NREP: variants seen among roughly 807,000 people sequenced by gnomAD.
The protein encoded by NREP is neuronal regeneration related protein.
A neutral mutation model predicts 8.6 loss-of-function variants in NREP; 5 were observed. The ratio of observed to expected loss-of-function variants is 0.58; its 90% CI spans 0.30 to 1.22. NREP has a LOEUF of 1.22. Among genes scored for constraint, NREP ranks in the 50% most tolerant of loss-of-function variants. NREP has a pLI of 0.07. For synonymous variants in NREP, 27 were observed against 28.0 expected (o/e 0.96, Z 0.11); for missense variants, 86 against 82.5 (o/e 1.04, Z -0.17).
chr5:111,939,495 A>G (rs1028606209), intron 2 of NREP, among the ~76,000 whole-genome samples: 2 of 151,972 alleles, frequency 1.3e-5, no homozygotes, highest in Admixed American at 1.3e-4. Flanking sequence ...ACTTAAATTT[A>G]TTTGTAACCC....
At chr5:111,817,629 C>T (rs1752413579) in intron 2 of NREP, among the ~76,000 whole-genome samples, 1 of 151,786 alleles carries the variant, frequency 6.6e-6, no homozygotes, top group African/African-American at 2.4e-5. Context: ...CATGGTGAAA[C>T]CTCGTCTCTA....
chr5:111,902,355 A>T (rs1340572523), intron 2 of NREP, among the ~76,000 whole-genome samples: 1 of 152,164 alleles, frequency 6.6e-6, no homozygotes, highest in Non-Finnish European at 1.5e-5. Flanking sequence ...TCCACTCAAC[A>T]TGTGCTGTAA....
intron 2 of NREP, among the ~76,000 whole-genome samples, chr5:111,958,277 C>T (rs1756380595): frequency 6.6e-6 from 1 of 151,524 alleles, no homozygotes; most frequent in Admixed American, 6.6e-5. Flanking sequence ...TTCTAATTTA[C>T]ATAAATAAAG....
intron 2 of NREP, among the ~76,000 whole-genome samples, chr5:111,954,114 A>G (rs894030975): frequency 3.3e-5 from 5 of 152,164 alleles, no homozygotes; most frequent in African/African-American, 1.2e-4. Flanking sequence ...TGATCTATCT[A>G]TATCTATATC....
intron 2 of NREP, among the ~76,000 whole-genome samples, chr5:111,941,472 T>G (rs1463746309): frequency 1.3e-5 from 2 of 152,080 alleles, no homozygotes; most frequent in African/African-American, 2.4e-5. Flanking sequence ...CTCCACATCT[T>G]CACATGGTCT....
upstream of NREP, chr5:111,758,262 G>C (rs901134274): frequency 1.1e-5 from 11 of 985,458 alleles, no homozygotes; most frequent in African/African-American, 1.7e-5. Context: ...CAACCAGCCA[G>C]AGCTGCGGCC....
At chr5:111,904,823 A>C (rs746777566) in intron 2 of NREP, among the ~76,000 whole-genome samples, 19 of 152,098 alleles carry the variant, frequency 1.2e-4, no homozygotes, top group Non-Finnish European at 2.5e-4. Context: ...TATTGCAGAA[A>C]ACAAGACCAA....
intron 2 of NREP, among the ~76,000 whole-genome samples, chr5:111,736,001 G>A (rs1283936377): frequency 2.6e-5 from 4 of 152,156 alleles, no homozygotes; most frequent in Non-Finnish European, 4.4e-5. Context: ...CTGCCCAGCT[G>A]CCTGAAACAG....
At chr5:111,884,243 C>G (rs373729335) in intron 2 of NREP, among the ~76,000 whole-genome samples, 23 of 151,078 alleles carry the variant, frequency 1.5e-4, no homozygotes, top group Non-Finnish European at 2.4e-4. Context: ...ATAAATTCCT[C>G]GACACATACA....
chr5:111,939,419 C>T (rs1755770191), intron 2 of NREP, among the ~76,000 whole-genome samples: 1 of 151,932 alleles, frequency 6.6e-6, no homozygotes, highest in Admixed American at 6.6e-5. Flanking sequence ...AGCATTTTTT[C>T]CCAGACATTA....
intron 2 of NREP, among the ~76,000 whole-genome samples, chr5:111,962,236 G>A (rs937488544): frequency 5.3e-5 from 8 of 151,914 alleles, no homozygotes; most frequent in African/African-American, 1.9e-4. Context: ...CTGAGAAAAT[G>A]CCTTTATTCA....
intron 2 of NREP, among the ~76,000 whole-genome samples, chr5:111,828,083 T>C (rs1752670785): frequency 6.6e-6 from 1 of 151,760 alleles, no homozygotes; most frequent in African/African-American, 2.4e-5. Flanking sequence ...CAGGCTGGAG[T>C]GCAATGGCAC....
At chr5:111,866,485 A>C (rs1753667089) in intron 2 of NREP, among the ~76,000 whole-genome samples, 1 of 152,232 alleles carries the variant, frequency 6.6e-6, no homozygotes, top group African/African-American at 2.4e-5. Flanking sequence ...ATCATTAAAA[A>C]GTCAGGAAAC....
At chr5:111,811,645 G>A (rs925116723) in intron 2 of NREP, among the ~76,000 whole-genome samples, 6 of 152,188 alleles carry the variant, frequency 3.9e-5, no homozygotes, top group Non-Finnish European at 7.3e-5. Context: ...GAAGTATTCT[G>A]AGCAGGACAA....
chr5:111,885,750 G>A (rs1171031210), intron 2 of NREP, among the ~76,000 whole-genome samples: 1 of 152,148 alleles, frequency 6.6e-6, no homozygotes. Flanking sequence ...AAATGGTGCT[G>A]GGAAAACTGG....
intron 2 of NREP, among the ~76,000 whole-genome samples, chr5:111,790,347 CTTTTTTTTTTTTTTTTTTTTT>C (rs57775701): frequency 4.2e-4 from 25 of 59,646 alleles, no homozygotes; most frequent in South Asian, 1.6e-3. Flanking sequence ...AAAACCTTAA[CTTTTTTTTTTTTTTTTTTTTT>C]TTTTTTTTTT....
At chr5:111,939,234 T>C (rs1372863256) in intron 2 of NREP, among the ~76,000 whole-genome samples, 2 of 152,028 alleles carry the variant, frequency 1.3e-5, no homozygotes, top group African/African-American at 2.4e-5. Context: ...ACAAGACTCA[T>C]TACTTCTCAC....
rs557806112 is a variant in NREP at position 111,796,750 on chromosome 5, T to G, written c.136-61243A>C. On this transcript the variant is annotated intron_variant, in intron 2 of 3. Transcript: ENST00000395634. ...ACTGATAATATAATGACCACTATAA[T>G]TGCCTAATATTTTGGTCAGACCTAT... 2.0e-5 allele frequency among the ~76,000 whole-genome samples: 3 copies of G among 152,318 alleles called. No homozygotes were observed. The South Asian group carries it at 6.2e-4, about 32-fold the overall frequency.
intron 2 of NREP, among the ~76,000 whole-genome samples, chr5:111,893,955 C>T (rs565779793): frequency 3.3e-5 from 5 of 152,128 alleles, no homozygotes; most frequent in East Asian, 3.9e-4. Flanking sequence ...CAGTGGCTCA[C>T]GCCTGTAATC....
Sources: gnomAD v4.1 joint callset for allele counts (sites outside exome capture counted in the v4.1 genomes callset) on GRCh38, gnomAD v4.1.1 for gene constraint, MANE v1.5 for transcripts, NCBI Gene and HGNC (gene_info 2026-07-23, HGNC 2026-07-21) for gene names.